EPHA5: variants seen among roughly 807,000 people sequenced by gnomAD.
EPHA5 encodes the protein ephrin type-A receptor 5.
EPHA5 carries 60 observed loss-of-function variants against 105.0 expected under a neutral mutation model. The observed-to-expected ratio is 0.57, with a 90% CI of 0.46 to 0.71. The LOEUF is 0.71. EPHA5 is among the 30% of genes least tolerant of loss of function. The pLI is 0.00. For synonymous variants in EPHA5, 513 were observed against 449.1 expected, an observed-to-expected ratio of 1.14 and a Z score of -1.80; for missense variants, 1,218 against 1,274.7, an observed-to-expected ratio of 0.96 and a Z score of 0.68.
chr4:65,495,748 C>T (rs961283505), intron 3 of EPHA5, among the ~76,000 whole-genome samples: 2 of 152,076 alleles, frequency 1.3e-5, no homozygotes, highest in Admixed American at 6.6e-5. Flanking sequence ...AGTACTTAAA[C>T]ATTTATGGAA....
intron 3 of EPHA5, among the ~76,000 whole-genome samples, chr4:65,579,738 C>A (rs1437762013): frequency 2.0e-5 from 3 of 151,788 alleles, no homozygotes; most frequent in East Asian, 1.9e-4. Context: ...AATCACATGG[C>A]AATCAAGACA....
chr4:65,414,468 T>A, intron 6 of EPHA5, 25 bp from the exon 7 acceptor site: 1 of 1,606,088 alleles, frequency 6.2e-7, no homozygotes, highest in Admixed American at 1.7e-5. Context: ...GCATATACAA[T>A]AAAAAAGACA....
At chr4:65,344,336 G>A (rs1722015090) in intron 14 of EPHA5, among the ~76,000 whole-genome samples, 1 of 152,062 alleles carries the variant, frequency 6.6e-6, no homozygotes, top group Non-Finnish European at 1.5e-5. Flanking sequence ...CAGACCCACT[G>A]GCCCTCAGGA....
At chr4:65,607,912 A>G (rs979598721) in intron 2 of EPHA5, among the ~76,000 whole-genome samples, 2 of 152,198 alleles carry the variant, frequency 1.3e-5, no homozygotes, top group African/African-American at 4.8e-5. Context: ...GATCACAATA[A>G]CAAAGACATG....
At chr4:65,641,602 TTTCC>T (rs1425273410) in intron 2 of EPHA5, among the ~76,000 whole-genome samples, 2 of 152,168 alleles carry the variant, frequency 1.3e-5, no homozygotes, top group East Asian at 3.9e-4. Context: ...TAATACATTT[TTTCC>T]TTCATTTTGC....
At chr4:65,463,319 T>A (rs1364753349) in intron 5 of EPHA5, among the ~76,000 whole-genome samples, 1 of 152,122 alleles carries the variant, frequency 6.6e-6, no homozygotes, top group Non-Finnish European at 1.5e-5. Context: ...TCTTATAAGG[T>A]TATATTAGGC....
intron 5 of EPHA5, among the ~76,000 whole-genome samples, chr4:65,457,638 T>C (rs529179249): frequency 6.6e-6 from 1 of 152,026 alleles, no homozygotes; most frequent in Non-Finnish European, 1.5e-5. Flanking sequence ...ATACATATTA[T>C]CTTTTTCTAA....
At chr4:65,628,303 T>C (rs1334632164) in intron 2 of EPHA5, among the ~76,000 whole-genome samples, 1 of 152,132 alleles carries the variant, frequency 6.6e-6, no homozygotes, top group African/African-American at 2.4e-5. Flanking sequence ...ATTTCTTCTT[T>C]CAAAGGACAG....
At chr4:65,515,644 G>A (rs1368746307) in intron 3 of EPHA5, among the ~76,000 whole-genome samples, 1 of 152,022 alleles carries the variant, frequency 6.6e-6, no homozygotes, top group African/African-American at 2.4e-5. Context: ...TTAGTATATA[G>A]AAACACAATC....
At chr4:65,610,382 T>G (rs1333542882) in intron 2 of EPHA5, among the ~76,000 whole-genome samples, 2 of 152,118 alleles carry the variant, frequency 1.3e-5, no homozygotes, top group Non-Finnish European at 2.9e-5. Context: ...GGAGTGTGTG[T>G]GGCTGTATGG....
At chr4:65,404,976 A>G (rs1030377763) in intron 7 of EPHA5, among the ~76,000 whole-genome samples, 35 of 152,320 alleles carry the variant, frequency 2.3e-4, no homozygotes, top group African/African-American at 8.4e-4. Flanking sequence ...ACCTCATTGA[A>G]GTAAAATATA....
At chr4:65,488,908 C>A (rs1318929038) in intron 5 of EPHA5, among the ~76,000 whole-genome samples, 3 of 33,242 alleles carry the variant, frequency 9.0e-5, no homozygotes, top group East Asian at 1.4e-3. Flanking sequence ...TTTTTTGAGA[C>A]GGAGTCTCGC....
chr4:65,488,661 A>G (rs1226335334), intron 5 of EPHA5, among the ~76,000 whole-genome samples: 2 of 152,192 alleles, frequency 1.3e-5, no homozygotes, highest in Non-Finnish European at 2.9e-5. Context: ...ATGGTAAAAA[A>G]TATAAACGAT....
At chr4:65,332,254 T>C (rs1720696672) in intron 15 of EPHA5, 126 bp from the exon 16 acceptor site, 2 of 679,902 alleles carry the variant, frequency 2.9e-6, no homozygotes, top group African/African-American at 1.9e-5. Context: ...AGGAAAAATA[T>C]GCAAATGCTA....
chr4:65,508,321 T>A (rs1449081841), intron 3 of EPHA5, among the ~76,000 whole-genome samples: 1 of 152,084 alleles, frequency 6.6e-6, no homozygotes, highest in Admixed American at 6.6e-5. Context: ...CTATGAATCA[T>A]TGAGTGAGTA....
intron 6 of EPHA5, among the ~76,000 whole-genome samples, chr4:65,414,832 A>G (rs2149022563): frequency 6.6e-6 from 1 of 152,292 alleles, no homozygotes; most frequent in East Asian, 1.9e-4. Flanking sequence ...GCCTATTCAT[A>G]CAGAAAGTTA....
intron 16 of EPHA5, among the ~76,000 whole-genome samples, chr4:65,326,031 C>T (rs1199751265): frequency 6.8e-6 from 1 of 146,232 alleles, no homozygotes; most frequent in African/African-American, 2.5e-5. Context: ...ATATATATCT[C>T]ATATATATAT....
intron 5 of EPHA5, among the ~76,000 whole-genome samples, chr4:65,474,292 T>A (rs1413324749): frequency 2.0e-5 from 3 of 152,208 alleles, no homozygotes; most frequent in African/African-American, 4.8e-5. Context: ...CATTTACTAT[T>A]TTATTAGTGA....
chr4:65,648,660 C>A (rs1748336906), intron 1 of EPHA5, among the ~76,000 whole-genome samples: 1 of 152,154 alleles, frequency 6.6e-6, no homozygotes, highest in Non-Finnish European at 1.5e-5. Flanking sequence ...TCTCTAAAGG[C>A]ATTGAGTCAA....
Sources: allele counts gnomAD v4.1 joint callset (sites outside exome capture counted in the v4.1 genomes callset), GRCh38; gene constraint gnomAD v4.1.1; transcripts MANE v1.5; gene names NCBI Gene and HGNC (gene_info 2026-07-23, HGNC 2026-07-21).